GRIN3A: variants seen among roughly 807,000 people sequenced by gnomAD.
The protein encoded by GRIN3A is glutamate ionotropic receptor NMDA type subunit 3A.
GRIN3A carries 47 observed loss-of-function variants against 92.4 expected under a neutral mutation model. The observed-to-expected ratio is 0.51, with a 90% CI of 0.40 to 0.65. GRIN3A has a LOEUF of 0.65. Ranked by LOEUF, GRIN3A falls within the 30% of genes least tolerant of loss-of-function variation. The pLI is 0.00. For synonymous variants in GRIN3A, 527 were observed against 540.6 expected, an observed-to-expected ratio of 0.97 and a Z score of 0.35; for missense variants, 1,324 against 1,393.1, an observed-to-expected ratio of 0.95 and a Z score of 0.79.
intron 6 of GRIN3A, among the ~76,000 whole-genome samples, chr9:101,581,872 G>T (rs1307717148): frequency 6.6e-6 from 1 of 152,184 alleles, no homozygotes; most frequent in Non-Finnish European, 1.5e-5. Flanking sequence ...TTGAATATGT[G>T]TAAGGCACAA....
chr9:101,626,461 T>G (rs189104090), intron 4 of GRIN3A, among the ~76,000 whole-genome samples: 4 of 152,192 alleles, frequency 2.6e-5, no homozygotes, highest in African/African-American at 4.8e-5. Flanking sequence ...GGAGGTAACA[T>G]GAAGACTGTG....
At chr9:101,722,587 G>C (rs535938908) in intron 1 of GRIN3A, among the ~76,000 whole-genome samples, 1 of 152,370 alleles carries the variant, frequency 6.6e-6, no homozygotes, top group Admixed American at 6.5e-5. Flanking sequence ...CACAGGGGCA[G>C]AGCTGCCCAA....
Position 101,670,427 on chromosome 9 carries a change from G to A in GRIN3A, c.1985C>T (p.Thr662Ile). The change falls in exon 3 of 9, where the codon ACA becomes ATA. Residue 662 changes from threonine (T) to isoleucine (I), a missense_variant. By Grantham distance (89) the Thr-to-Ile change is moderately conservative (BLOSUM62 -1). Transcript: ENST00000361820. ...SLGILVRTRD[T>I]AAPIGAFMWP... ...CATGAAGGCTCCAATGGGAGCTGCT[G>A]TATCTCGGGTCCTCACTAAGATGCC... is the stretch of plus-strand genomic sequence containing the variant. The A allele has an allele frequency of 1.2e-6, 2 of 1,614,026 alleles. No homozygotes were observed. The highest frequency in any genetic ancestry group is 1.7e-6 in the Non-Finnish European group (2 of 1,179,964).
At chr9:101,701,963 ATT>A (rs11358820) in intron 1 of GRIN3A, among the ~76,000 whole-genome samples, 36 of 151,004 alleles carry the variant, frequency 2.4e-4, no homozygotes, top group African/African-American at 8.0e-4. Context: ...TTCCATACAG[ATT>A]TTTTTTTTTC....
chr9:101,715,200 T>TAAAAAAAAAAAAA (rs5899459), intron 1 of GRIN3A, among the ~76,000 whole-genome samples: 1 of 127,688 alleles, frequency 7.8e-6, no homozygotes, highest in Admixed American at 7.9e-5. Flanking sequence ...ACAAAAATGG[T>TAAAAAAAAAAAAA]AAAAAAAAAA....
intron 6 of GRIN3A, among the ~76,000 whole-genome samples, chr9:101,595,998 C>T (rs1402780868): frequency 4.6e-5 from 7 of 152,274 alleles, no homozygotes; most frequent in Non-Finnish European, 2.9e-5. Context: ...TTCTTCCTTT[C>T]GGAGCGCATC....
At chr9:101,579,740 A>G (rs902022640) in intron 6 of GRIN3A, among the ~76,000 whole-genome samples, 1 of 152,180 alleles carries the variant, frequency 6.6e-6, no homozygotes, top group Admixed American at 6.5e-5. Flanking sequence ...ACCTTTAGCC[A>G]TAATTCATTC....
Position 101,570,478 on chromosome 9 carries a change from A to G in GRIN3A, c.*2696T>C, listed in dbSNP as rs1471673752. ...ACACTGTTCAGTTACTACCAATAAA[A>G]ATAACCATTGCTACTTAACATGAAG... On this transcript the variant is annotated 3_prime_UTR_variant, in exon 9 of 9. Coordinates refer to ENST00000361820, the MANE Select transcript of GRIN3A (RefSeq NM_133445.3). 2 of 152,644 alleles carry G rather than the reference A, an allele frequency of 1.3e-5. No individual in the cohort carries two copies. Among genetic ancestry groups the G allele is most frequent in the Non-Finnish European group, 2.9e-5 (2 of 68,052 alleles). The allele number at this position is 152,644 out of a possible 1,614,324, so 9.5% of individuals were successfully genotyped here.
chr9:101,729,446 G>A (rs1459583619), intron 1 of GRIN3A, among the ~76,000 whole-genome samples: 1 of 152,022 alleles, frequency 6.6e-6, no homozygotes, highest in Admixed American at 6.6e-5. Context: ...GTTGACTTAT[G>A]GCCTCTTCTC....
intron 2 of GRIN3A, among the ~76,000 whole-genome samples, chr9:101,685,603 T>C (rs1829523930): frequency 6.6e-6 from 1 of 152,008 alleles, no homozygotes; most frequent in Non-Finnish European, 1.5e-5. Context: ...ACCAAAACCA[T>C]TTCCATATGA....
intron 3 of GRIN3A, among the ~76,000 whole-genome samples, chr9:101,643,694 C>T (rs1045432944): frequency 1.3e-5 from 2 of 151,416 alleles, no homozygotes; most frequent in Non-Finnish European, 3.0e-5. Flanking sequence ...CACACACACA[C>T]ACCCACACGA....
intron 1 of GRIN3A, among the ~76,000 whole-genome samples, chr9:101,695,572 A>T (rs1722878367): frequency 6.6e-6 from 1 of 152,184 alleles, no homozygotes; most frequent in South Asian, 2.1e-4. Flanking sequence ...AAAGGACCAT[A>T]GATGAGTGGA....
rs543610596 is a variant in GRIN3A, at chr9:101,618,021, C to A, written c.2615-4494G>T. Among the ~76,000 whole-genome samples the A allele has an allele frequency of 4.6e-5, 7 of 152,018 alleles. No homozygotes were observed. In the South Asian group the frequency reaches 1.5e-3, roughly 32 times the overall value. On this transcript the variant is annotated intron_variant, in intron 5 of 8. Transcript: ENST00000361820. ...CATAGTATTCCATGGTGTATATGTGCCACATTTAAATCAATTCAAGATGGA... is the reference window on the plus strand; with the variant it reads ...CATAGTATTCCATGGTGTATATGTGACACATTTAAATCAATTCAAGATGGA...
At chr9:101,716,864 C>T (rs920636814) in intron 1 of GRIN3A, among the ~76,000 whole-genome samples, 2 of 152,076 alleles carry the variant, frequency 1.3e-5, no homozygotes, top group African/African-American at 4.8e-5. Flanking sequence ...TAAAAAAATC[C>T]AGTCTGGCTT....
At chr9:101,648,510 C>T (rs1828969103) in intron 3 of GRIN3A, among the ~76,000 whole-genome samples, 1 of 151,888 alleles carries the variant, frequency 6.6e-6, no homozygotes, top group East Asian at 1.9e-4. Context: ...CCAATTTTTC[C>T]TTGTTGATAT....
intron 3 of GRIN3A, among the ~76,000 whole-genome samples, chr9:101,642,759 T>C (rs1828883041): frequency 6.6e-6 from 1 of 152,100 alleles, no homozygotes; most frequent in African/African-American, 2.4e-5. Flanking sequence ...ATTAGATTCT[T>C]AGGAGCATGA....
Position 101,658,634 on chromosome 9 carries a change from T to C in GRIN3A, c.2352+11426A>G, listed in dbSNP as rs187553161. ...TAGGCAGCAGTTTTTTGATAGAATA[T>C]CATGGTAAACTCACTTCTTGAGTTT... On this transcript the variant is annotated intron_variant, in intron 3 of 8. Coordinates refer to ENST00000361820, the MANE Select transcript of GRIN3A (RefSeq NM_133445.3). 3.6e-3 allele frequency among the ~76,000 whole-genome samples: 541 copies of C among 152,070 alleles called. 4 individuals are homozygous for C. Among genetic ancestry groups the C allele is most frequent in the African/African-American group, 0.013 (526 of 41,536 alleles).
chr9:101,713,580 T>C (rs556037096), intron 1 of GRIN3A, among the ~76,000 whole-genome samples: 127 of 152,244 alleles, frequency 8.3e-4, no homozygotes, highest in Non-Finnish European at 1.6e-3. Context: ...ACATGCCTGA[T>C]GGCTGCTGAC....
chr9:101,594,946 GCTCA>G, intron 6 of GRIN3A: 1 of 1,589,544 alleles, frequency 6.3e-7, no homozygotes, highest in Non-Finnish European at 8.5e-7. Flanking sequence ...AACGGCCACG[GCTCA>G]AAGGGTCGGA....
Sources: gnomAD v4.1 joint callset for allele counts (sites outside exome capture counted in the v4.1 genomes callset) on GRCh38, gnomAD v4.1.1 for gene constraint, MANE v1.5 for transcripts, NCBI Gene and HGNC (gene_info 2026-07-23, HGNC 2026-07-21) for gene names.